The following GMDS variants were observed in gnomAD, a reference collection of about 807,000 sequenced individuals.
The protein encoded by GMDS is GDP-mannose 4,6 dehydratase.
In GMDS, 20 loss-of-function variants were observed where a neutral mutation model predicts 49.9. The ratio of observed to expected loss-of-function variants is 0.40; its 90% CI spans 0.28 to 0.58. GMDS has a LOEUF of 0.58. Ranked by LOEUF, GMDS falls within the 20% of genes least tolerant of loss-of-function variation. The pLI is 0.42. For missense variants in GMDS, 362 were observed against 481.4 expected (o/e 0.75, Z 2.32); for synonymous variants, 177 against 178.6 (o/e 0.99, Z 0.07).
chr6:1,870,540 T>G (rs1056105896), intron 7 of GMDS, among the ~76,000 whole-genome samples: 1 of 152,132 alleles, frequency 6.6e-6, no homozygotes, highest in African/African-American at 2.4e-5. Flanking sequence ...GCTTGTGATT[T>G]CGGATGCCTC....
chr6:2,101,433 T>C (rs1203201289), intron 4 of GMDS, among the ~76,000 whole-genome samples: 1 of 151,844 alleles, frequency 6.6e-6, no homozygotes, highest in African/African-American at 2.4e-5. Context: ...AGTAACTGCT[T>C]TATGGATTAG....
intron 4 of GMDS, among the ~76,000 whole-genome samples, chr6:2,033,091 TG>T (rs1407979857): frequency 6.6e-6 from 1 of 152,222 alleles, no homozygotes; most frequent in Non-Finnish European, 1.5e-5. Context: ...ATGAAGTCTT[TG>T]CAATTCAAGT....
At chr6:1,827,156 C>CAT (rs542642187) in intron 7 of GMDS, among the ~76,000 whole-genome samples, 3 of 148,010 alleles carry the variant, frequency 2.0e-5, no homozygotes, top group Non-Finnish European at 4.5e-5. Flanking sequence ...TATATATGCA[C>CAT]ACACACACAC....
chr6:2,192,071 C>T (rs163069), intron 1 of GMDS, among the ~76,000 whole-genome samples: 6,264 of 152,234 alleles, frequency 0.041, 260 homozygotes, highest in South Asian at 0.13. Context: ...AGAGGAGCTA[C>T]TCTCTCTGCT....
At chr6:2,127,976 A>T (rs887651315) in intron 1 of GMDS, among the ~76,000 whole-genome samples, 1 of 152,194 alleles carries the variant, frequency 6.6e-6, no homozygotes, top group African/African-American at 2.4e-5. Flanking sequence ...GTATGAACAC[A>T]ATTATTCTGG....
intron 4 of GMDS, among the ~76,000 whole-genome samples, chr6:2,102,202 GT>G (rs1053299998): frequency 6.6e-6 from 1 of 151,938 alleles, no homozygotes; most frequent in South Asian, 2.1e-4. Flanking sequence ...TACAAAATCT[GT>G]TTTTAGACTT....
At chr6:2,137,580 C>T (rs1241221360) in intron 1 of GMDS, among the ~76,000 whole-genome samples, 2 of 152,190 alleles carry the variant, frequency 1.3e-5, no homozygotes, top group Admixed American at 1.3e-4. Context: ...GTGATCCACC[C>T]ACTTTGGCTT....
At chr6:2,210,980 GT>G (rs1419464997) in intron 1 of GMDS, among the ~76,000 whole-genome samples, 1 of 152,138 alleles carries the variant, frequency 6.6e-6, no homozygotes, top group Non-Finnish European at 1.5e-5. Context: ...TCCCTTCACT[GT>G]TTCTTCTGAT....
chr6:2,094,874 A>G (rs1773506017), intron 4 of GMDS, among the ~76,000 whole-genome samples: 1 of 152,218 alleles, frequency 6.6e-6, no homozygotes, highest in African/African-American at 2.4e-5. Context: ...AGACACCTGC[A>G]AAATCTCTTC....
At chr6:2,029,555 G>A (rs1265811404) in intron 4 of GMDS, among the ~76,000 whole-genome samples, 1 of 152,178 alleles carries the variant, frequency 6.6e-6, no homozygotes, top group Non-Finnish European at 1.5e-5. Flanking sequence ...AACTGCACCT[G>A]CAGTCCAGCC....
intron 1 of GMDS, among the ~76,000 whole-genome samples, chr6:2,183,221 T>C (rs1316322990): frequency 6.6e-6 from 1 of 152,208 alleles, no homozygotes; most frequent in African/African-American, 2.4e-5. Flanking sequence ...CAGCAAGTGA[T>C]TCATCTAATG....
chr6:1,736,558 T>C (rs892032322), intron 8 of GMDS, among the ~76,000 whole-genome samples: 7 of 152,308 alleles, frequency 4.6e-5, no homozygotes, highest in African/African-American at 7.2e-5. Flanking sequence ...TGAGTGACGA[T>C]GAATGAAGGT....
chr6:2,129,067 T>C (rs3800158), intron 1 of GMDS, among the ~76,000 whole-genome samples: 28,128 of 152,198 alleles, frequency 0.18, 6,670 homozygotes, highest in African/African-American at 0.55. Flanking sequence ...TTTCATGAAG[T>C]ACTCAGAAAT....
At chr6:1,652,477 AT>A (rs70989193) in intron 9 of GMDS, among the ~76,000 whole-genome samples, 1 of 9,052 alleles carries the variant, frequency 1.1e-4, no homozygotes, top group African/African-American at 4.4e-4. Context: ...TATTATATAT[AT>A]TATATATAAT....
chr6:1,659,114 G>A (rs1357839922), intron 9 of GMDS, among the ~76,000 whole-genome samples: 1 of 152,116 alleles, frequency 6.6e-6, no homozygotes, highest in Non-Finnish European at 1.5e-5. Context: ...TATTCCTCAT[G>A]AACCATGGGC....
chr6:2,082,098 T>C (rs1357692290), intron 4 of GMDS, among the ~76,000 whole-genome samples: 2 of 152,140 alleles, frequency 1.3e-5, no homozygotes, highest in East Asian at 1.9e-4. Context: ...ATTATATGCA[T>C]AGTAATAACA....
At chr6:1,688,524 A>G (rs1765062718) in intron 9 of GMDS, among the ~76,000 whole-genome samples, 1 of 152,114 alleles carries the variant, frequency 6.6e-6, no homozygotes, top group African/African-American at 2.4e-5. Context: ...CCTCTCCGTG[A>G]TTCTCCTCTG....
At chr6:1,712,769 T>TA (rs1298668655) in intron 9 of GMDS, among the ~76,000 whole-genome samples, 2,259 of 148,644 alleles carry the variant, frequency 0.015, 50 homozygotes, top group African/African-American at 0.052. Context: ...TTGAATTCTT[T>TA]AAAAAAAAAA....
chr6:2,156,241 T>C (rs181179764), intron 1 of GMDS, among the ~76,000 whole-genome samples: 9 of 152,304 alleles, frequency 5.9e-5, no homozygotes, highest in African/African-American at 2.2e-4. Flanking sequence ...TGTCATAATT[T>C]CAAGGTAAAG....
Sources: gnomAD v4.1 joint callset for allele counts (sites outside exome capture counted in the v4.1 genomes callset) on GRCh38, gnomAD v4.1.1 for gene constraint, MANE v1.5 for transcripts, NCBI Gene and HGNC (gene_info 2026-07-23, HGNC 2026-07-21) for gene names.